DNM1L: variants seen among roughly 807,000 people sequenced by gnomAD.
DNM1L encodes dynamin 1L.
DNM1L carries 33 observed loss-of-function variants against 92.8 expected under a neutral mutation model. The ratio of observed to expected loss-of-function variants is 0.36; its 90% CI spans 0.27 to 0.48. The LOEUF is 0.48. DNM1L is among the 20% of genes least tolerant of loss of function. DNM1L has a pLI of 0.99. For missense variants in DNM1L, 485 were observed against 888.8 expected, an observed-to-expected ratio of 0.55 and a Z score of 5.78; for synonymous variants, 284 against 305.0, an observed-to-expected ratio of 0.93 and a Z score of 0.72.
chr12:32,723,711 A>AAC (rs1953921828), intron 9 of DNM1L, among the ~76,000 whole-genome samples: 1 of 151,812 alleles, frequency 6.6e-6, no homozygotes, highest in Non-Finnish European at 1.5e-5. Flanking sequence ...AAAAAAAAAA[A>AAC]AAACAGGGAT....
In DNM1L at chr12:32,741,121, A is replaced by G. The variant is rs968012496; in HGVS notation, c.1994+603A>G. ...TACTGCACAGAGTAATAAACAGTCT[A>G]ATACTTCATATTGAAATAAATGATT... On this transcript the variant is annotated intron_variant, in intron 18 of 19. Coordinates refer to ENST00000549701, the MANE Select transcript of DNM1L (RefSeq NM_012062.5). Among the ~76,000 whole-genome samples the G allele has an allele frequency of 2.6e-5, 4 of 152,336 alleles. No individual in the cohort carries two copies. The East Asian group carries it at 7.7e-4, about 29-fold the overall frequency.
intron 1 of DNM1L, among the ~76,000 whole-genome samples, chr12:32,689,845 T>C (rs1952166387): frequency 6.6e-6 from 1 of 152,156 alleles, no homozygotes; most frequent in Non-Finnish European, 1.5e-5. Flanking sequence ...CATTTCAAAA[T>C]ATAAATTCAA....
At chr12:32,714,518 C>T (rs1349637290) in intron 6 of DNM1L, among the ~76,000 whole-genome samples, 1 of 151,718 alleles carries the variant, frequency 6.6e-6, no homozygotes, top group African/African-American at 2.4e-5. Context: ...GTGATCCGCC[C>T]GCCTCGGCCT....
chr12:32,724,431 C>A (rs1953967217), intron 9 of DNM1L, among the ~76,000 whole-genome samples: 1 of 151,416 alleles, frequency 6.6e-6, no homozygotes, highest in African/African-American at 2.4e-5. Context: ...CAAAAATTAG[C>A]TGGGCGTGGT....
intron 16 of DNM1L, 168 bp from the exon 17 acceptor site, chr12:32,739,896 G>C (rs1955163974): frequency 2.5e-6 from 2 of 788,534 alleles, no homozygotes; most frequent in African/African-American, 1.7e-5. Flanking sequence ...ATAGGTCAGG[G>C]TTCCAGTTAT....
chr12:32,693,411 T>G (rs1952305337), intron 1 of DNM1L, among the ~76,000 whole-genome samples: 1 of 152,226 alleles, frequency 6.6e-6, no homozygotes, highest in Non-Finnish European at 1.5e-5. Context: ...TTTCCCTGAA[T>G]TTTTTCTGTG....
intron 6 of DNM1L, 27 bp downstream of exon 6, chr12:32,713,398 A>G (rs1565513182): frequency 6.2e-7 from 1 of 1,611,814 alleles, no homozygotes; most frequent in Non-Finnish European, 8.5e-7. Context: ...ATTTAATGAG[A>G]TGCTTATTTT....
intron 1 of DNM1L, among the ~76,000 whole-genome samples, chr12:32,689,534 A>G (rs1952150920): frequency 6.6e-6 from 1 of 152,288 alleles, no homozygotes; most frequent in Admixed American, 6.5e-5. Flanking sequence ...TTCTAAGGAC[A>G]CTCTTAGAAA....
At chr12:32,738,435 T>A in intron 16 of DNM1L, 139 bp downstream of exon 16, 1 of 913,780 alleles carries the variant, frequency 1.1e-6, no homozygotes, top group Non-Finnish European at 1.7e-6. Flanking sequence ...TCCTTTTATC[T>A]AACCTGTGGA....
Position 32,733,747 on chromosome 12 carries a change from T to C in DNM1L, c.1479T>C (p.Tyr493=), listed in dbSNP as rs2137539351. 1.2e-6 allele frequency: 2 copies of C among 1,614,024 alleles called. No individual in the cohort carries two copies. The highest frequency in any genetic ancestry group is 1.1e-5 in the South Asian group (1 of 91,086). ...ACTTAGTGGCAATTGAACTGGCTTA[T>C]ATCAACACAAAACATCCAGACTTTG... ...VHNLVAIELA[Y]INTKHPDFAD... The change falls in exon 13 of 20, where the codon TAT becomes TAC. Residue 493 remains tyrosine (Y), a synonymous_variant. Transcript: ENST00000549701.
chr12:32,687,498 A>G (rs767838974), intron 1 of DNM1L, among the ~76,000 whole-genome samples: 2 of 152,172 alleles, frequency 1.3e-5, no homozygotes, highest in Non-Finnish European at 2.9e-5. Context: ...GCTGGAGTGC[A>G]ATGATGCAGT....
chr12:32,703,588 G>A (rs1952797615), intron 2 of DNM1L, among the ~76,000 whole-genome samples: 1 of 144,654 alleles, frequency 6.9e-6, no homozygotes, highest in East Asian at 2.0e-4. Context: ...TAATAAGAGA[G>A]GAGAAAGGGA....
At position 32,680,034 on chromosome 12, in the gene DNM1L, C is replaced by A. The variant is rs903851736; in HGVS notation, c.102+569C>A. The A allele has an allele frequency of 3.1e-6, 3 of 981,296 alleles. No homozygotes were observed. In the Admixed American group the frequency reaches 1.8e-4, roughly 60 times the overall value. The allele number at this position is 981,296 out of a possible 1,614,324, so 60.8% of individuals were successfully genotyped here. ...CCTGCAGTATAATTCCACCAGGTTT[C>A]GAGAACGCCGAAGCAGCATTTTAAA... On this transcript the variant is annotated intron_variant, in intron 1 of 19. Transcript: ENST00000549701.
At chr12:32,729,053 A>G (rs1818154826) in intron 9 of DNM1L, 1 of 152,176 alleles carries the variant, frequency 6.6e-6, no homozygotes, top group South Asian at 2.1e-4. Flanking sequence ...GGCTTCCCAA[A>G]GTGCTGGGAT....
At chr12:32,737,571 T>C (rs1954979260) in intron 14 of DNM1L, 2 of 430,570 alleles carry the variant, frequency 4.6e-6, no homozygotes, top group Non-Finnish European at 8.5e-6. Context: ...CTAAAGTGTG[T>C]ATAAAAATCT....
chr12:32,690,023 C>T (rs1158780375), intron 1 of DNM1L, among the ~76,000 whole-genome samples: 1 of 152,098 alleles, frequency 6.6e-6, no homozygotes, highest in Non-Finnish European at 1.5e-5. Context: ...CCAGTGGAGC[C>T]CGATTTTCAG....
At chr12:32,720,856 G>C in intron 8 of DNM1L, 61 bp downstream of exon 8, 1 of 1,600,296 alleles carries the variant, frequency 6.2e-7, no homozygotes, top group Non-Finnish European at 8.5e-7. Context: ...TGTCTGAGAG[G>C]GTTCATTTTC....
chr12:32,679,714 A>G, intron 1 of DNM1L: 1 of 1,196,030 alleles, frequency 8.4e-7, no homozygotes, highest in South Asian at 2.9e-5. Flanking sequence ...GGGCCTGGCT[A>G]GCCCGGCGGG....
chr12:32,702,860 C>T (rs545052894), intron 2 of DNM1L, among the ~76,000 whole-genome samples: 1 of 152,034 alleles, frequency 6.6e-6, no homozygotes, highest in Non-Finnish European at 1.5e-5. Flanking sequence ...GTATGTTATT[C>T]ATCACTTTGC....
Sources: gnomAD v4.1 joint callset for allele counts (sites outside exome capture counted in the v4.1 genomes callset) on GRCh38, gnomAD v4.1.1 for gene constraint, MANE v1.5 for transcripts, NCBI Gene and HGNC (gene_info 2026-07-23, HGNC 2026-07-21) for gene names.